MAP4: variants seen among roughly 807,000 people sequenced by gnomAD.
The protein encoded by MAP4 is microtubule-associated protein 4.
A neutral mutation model predicts 170.2 loss-of-function variants in MAP4; 76 were observed. The observed-to-expected ratio is 0.45, with a 90% CI of 0.37 to 0.54. The LOEUF is 0.54. MAP4 is among the 20% of genes least tolerant of loss of function. The probability of loss-of-function intolerance (pLI) is 0.00; values close to 1 mark genes in which losing one functional copy is unlikely to be tolerated. For missense variants in MAP4, 2,506 were observed against 2,748.0 expected (o/e 0.91, Z 1.97); for synonymous variants, 909 against 994.5 (o/e 0.91, Z 1.62).
intron 17 of MAP4, 23 bp from the exon 18 acceptor site, chr3:47,857,535 CTCAT>C: frequency 6.5e-7 from 1 of 1,548,688 alleles, no homozygotes; most frequent in East Asian, 2.3e-5. Context: ...ACACAAAAGA[CTCAT>C]TCAGAGAGAA....
In MAP4 at chr3:47,855,187, A is replaced by C; in HGVS notation, c.6696+61T>G. 1 of 1,189,138 alleles carries C rather than the reference A, an allele frequency of 8.4e-7. No individual in the cohort carries two copies. Among genetic ancestry groups the C allele is most frequent in the South Asian group, 1.2e-5 (1 of 81,582 alleles). The allele number at this position is 1,189,138 out of a possible 1,614,324, so 73.7% of individuals were successfully genotyped here. On this transcript the variant is annotated intron_variant, in intron 19 of 20. Coordinates refer to ENST00000683076, the MANE Select transcript of MAP4 (RefSeq NM_001385682.1). This position sits in a 1 kb window ranked among gnomAD's most constrained non-coding sequence, Gnocchi z 5.1. ...CAGGTGCCTACCTGTGAGGACCCTG[A>C]CCCTAACTGCATAGTTCCCACCCCT...
At chr3:47,853,602 T>C (rs765292022) in intron 19 of MAP4, among the ~76,000 whole-genome samples, 13 of 149,952 alleles carry the variant, frequency 8.7e-5, no homozygotes, top group Non-Finnish European at 1.6e-4. Flanking sequence ...CTCTGTGGCA[T>C]GTGAGGCTCT....
At chr3:48,073,543 G>A (rs1272736596) in intron 1 of MAP4, among the ~76,000 whole-genome samples, 2 of 151,646 alleles carry the variant, frequency 1.3e-5, no homozygotes, top group African/African-American at 4.8e-5. Context: ...CCCAGGAGGC[G>A]GAGGTTGCGG....
At position 47,916,954 on chromosome 3, in the gene MAP4, G is replaced by A; in HGVS notation, c.873C>T (p.Asp291=). The change falls in exon 7 of 21, where the codon GAC becomes GAT. Residue 291 remains aspartate, a synonymous_variant. Coordinates refer to ENST00000683076, the MANE Select transcript of MAP4 (RefSeq NM_001385682.1). ...TATCTGATTCCATGGATGGCTGCATGTCCTTGGCCAGTGTCACATCTAATT... is the reference window on the plus strand; with the variant it reads ...TATCTGATTCCATGGATGGCTGCATATCCTTGGCCAGTGTCACATCTAATT... ...PTKLDVTLAK[D]MQPSMESDMA... 1.1e-5 allele frequency: 17 copies of A among 1,614,192 alleles called. No homozygotes were observed. The highest frequency in any genetic ancestry group is 1.3e-5 in the Non-Finnish European group (15 of 1,180,026).
At chr3:48,040,308 C>A (rs1040475966) in intron 1 of MAP4, among the ~76,000 whole-genome samples, 4 of 151,746 alleles carry the variant, frequency 2.6e-5, no homozygotes, top group African/African-American at 7.3e-5. Context: ...TTGCTCTGTC[C>A]CCCAGGCTAG....
rs1178213119 is a variant in MAP4 at position 48,016,370 on chromosome 3, A to G, written c.-56T>C. On this transcript the variant is annotated 5_prime_UTR_variant, in exon 1 of 21. Coordinates refer to ENST00000683076, the MANE Select transcript of MAP4 (RefSeq NM_001385682.1). The stretch of plus-strand genomic sequence containing the variant: ...AGGCAGCTTGTGTTCAGTCCTGACT[A>G]AATGCATTTTGGATCAGGCACCTGC... 6.6e-6 allele frequency: 1 copy of G among 152,214 alleles called. No individual in the cohort carries two copies. The highest frequency in any genetic ancestry group is 1.5e-5 in the Non-Finnish European group (1 of 68,042). 9.4% of individuals were successfully genotyped at this position (152,214 alleles called of 1,614,324 possible). A position where few individuals can be genotyped will look rare whatever the true frequency, so the allele number is the denominator to read the frequency against.
At position 47,998,533 on chromosome 3, in the gene MAP4, C is replaced by T. The variant is rs2100097286; in HGVS notation, c.223+105G>A. On this transcript the variant is annotated intron_variant, in intron 2 of 20. Coordinates refer to ENST00000683076, the MANE Select transcript of MAP4 (RefSeq NM_001385682.1). ...AAAGAAACATAAAGTTACTAGCCTA[C>T]ACTAAAAAAACTCAGCTCAATTCTC... The T allele has an allele frequency of 1.2e-5, 10 of 855,974 alleles. No homozygotes were observed. The South Asian group carries it at 1.4e-4, about 12-fold the overall frequency. The allele number at this position is 855,974 out of a possible 1,614,324, so 53.0% of individuals were successfully genotyped here.
At chr3:48,030,059 A>G (rs2100115209) in intron 1 of MAP4, among the ~76,000 whole-genome samples, 1 of 147,670 alleles carries the variant, frequency 6.8e-6, no homozygotes, top group Non-Finnish European at 1.5e-5. Context: ...TATATATTAC[A>G]TATTCACATG....
intron 1 of MAP4, among the ~76,000 whole-genome samples, chr3:48,068,868 A>G (rs2100139672): frequency 6.6e-6 from 1 of 152,200 alleles, no homozygotes; most frequent in African/African-American, 2.4e-5. Context: ...CCTATGCACA[A>G]TATGTATAGC....
At chr3:48,033,622 C>T (rs377692259) in intron 1 of MAP4, among the ~76,000 whole-genome samples, 97 of 151,766 alleles carry the variant, frequency 6.4e-4, no homozygotes, top group African/African-American at 2.2e-3. Flanking sequence ...TTTTTTGAAA[C>T]GGGAGTCTCG....
intron 3 of MAP4, among the ~76,000 whole-genome samples, chr3:47,972,785 C>T (rs1169135368): frequency 6.6e-6 from 1 of 151,734 alleles, no homozygotes; most frequent in Admixed American, 6.6e-5. Context: ...ACTCAGGAGG[C>T]TGAGGCAGGA....
At chr3:48,007,478 T>A (rs1384147910) in intron 1 of MAP4, among the ~76,000 whole-genome samples, 1 of 152,164 alleles carries the variant, frequency 6.6e-6, no homozygotes, top group Admixed American at 6.5e-5. Flanking sequence ...GAGAAGGCTC[T>A]GCAACAGGTC....
intron 10 of MAP4, among the ~76,000 whole-genome samples, chr3:47,884,286 TTTTTAA>T (rs1419350632): frequency 5.3e-5 from 8 of 152,188 alleles, no homozygotes; most frequent in Non-Finnish European, 1.2e-4. Context: ...CCCATTGAAG[TTTTTAA>T]TTTTAATTAT....
intron 1 of MAP4, among the ~76,000 whole-genome samples, chr3:48,029,595 A>G (rs1267026071): frequency 6.6e-6 from 1 of 152,216 alleles, no homozygotes; most frequent in Non-Finnish European, 1.5e-5. Context: ...TTCCTAAGGT[A>G]GTAATCTGAA....
Position 47,943,022 on chromosome 3 carries a change from G to A in MAP4, c.293-14672C>T, listed in dbSNP as rs897290743. 3.3e-5 allele frequency among the ~76,000 whole-genome samples: 5 copies of A among 152,082 alleles called. No individual in the cohort carries two copies. The East Asian group carries it at 9.6e-4, about 29-fold the overall frequency. On this transcript the variant is annotated intron_variant, in intron 3 of 20. Coordinates refer to ENST00000683076, the MANE Select transcript of MAP4 (RefSeq NM_001385682.1). ...CCAGTTACTTTGGAGGCTGAGGTGG[G>A]AGGATTGCTTGAGCCAGGATTTCAA...
intron 2 of MAP4, among the ~76,000 whole-genome samples, chr3:47,995,587 C>T (rs2100095039): frequency 1.3e-5 from 2 of 152,068 alleles, no homozygotes. Context: ...TTAGAACTCT[C>T]GGTACTTTTT....
chr3:47,996,669 AACCATAAC>A (rs1247169573), intron 2 of MAP4, among the ~76,000 whole-genome samples: 1 of 151,984 alleles, frequency 6.6e-6, no homozygotes, highest in Non-Finnish European at 1.5e-5. Flanking sequence ...GCCTATTTCC[AACCATAAC>A]ACCTTTTGGC....
At chr3:48,029,107 T>A (rs140368343) in intron 1 of MAP4, among the ~76,000 whole-genome samples, 6,738 of 152,034 alleles carry the variant, frequency 0.044, 503 homozygotes, top group African/African-American at 0.15. Flanking sequence ...ATTGTGCCAC[T>A]GCACTCCAGC....
chr3:47,992,928 C>T (rs1386845412), intron 2 of MAP4, among the ~76,000 whole-genome samples: 1 of 148,100 alleles, frequency 6.8e-6, no homozygotes, highest in Non-Finnish European at 1.5e-5. Flanking sequence ...AAAGCTCATA[C>T]TAACTTGTTA....
Sources: gnomAD v4.1 joint callset for allele counts (sites outside exome capture counted in the v4.1 genomes callset) on GRCh38, gnomAD v4.1.1 for gene constraint, Gnocchi (gnomAD v3.1) non-coding constraint, MANE v1.5 for transcripts, NCBI Gene and HGNC (gene_info 2026-07-23, HGNC 2026-07-21) for gene names.